Variants in FHIT observed in about 807,000 individuals in gnomAD.
FHIT encodes fragile histidine triad diadenosine triphosphatase, also known as bis(5'-adenosyl)-triphosphatase.
In FHIT, 19 loss-of-function variants were observed where a neutral mutation model predicts 17.9. That is an observed-to-expected ratio of 1.06 (90% CI 0.74 to 1.56). The LOEUF is 1.56. FHIT is among the 40% of genes most tolerant of loss of function. FHIT has a pLI of 0.00. For synonymous variants in FHIT, 81 were observed against 69.7 expected, an observed-to-expected ratio of 1.16 and a Z score of -0.81; for missense variants, 248 against 189.2, an observed-to-expected ratio of 1.31 and a Z score of -1.82.
chr3:61,240,102 A>G (rs938281844), intron 1 of FHIT, among the ~76,000 whole-genome samples: 1 of 152,054 alleles, frequency 6.6e-6, no homozygotes, highest in Non-Finnish European at 1.5e-5. Flanking sequence ...AGGAAGCCTT[A>G]GTTTAGAGGA....
chr3:59,850,831 GAAT>G (rs1362962431), intron 8 of FHIT, among the ~76,000 whole-genome samples: 4 of 152,166 alleles, frequency 2.6e-5, no homozygotes, highest in African/African-American at 9.7e-5. Flanking sequence ...GCAACAAAAA[GAAT>G]ACTACTGTGC....
chr3:60,713,572 A>G (rs1197236933), intron 4 of FHIT, among the ~76,000 whole-genome samples: 5 of 151,998 alleles, frequency 3.3e-5, no homozygotes, highest in African/African-American at 7.3e-5. Context: ...TCAAATAGAC[A>G]CAATAAAAAA....
intron 7 of FHIT, among the ~76,000 whole-genome samples, chr3:59,925,707 C>T (rs916785308): frequency 1.3e-5 from 2 of 152,182 alleles, no homozygotes; most frequent in African/African-American, 4.8e-5. Flanking sequence ...AAATAGCTCA[C>T]TGTACAGGTG....
intron 8 of FHIT, among the ~76,000 whole-genome samples, chr3:59,865,056 G>T (rs623032): frequency 0.55 from 82,902 of 151,652 alleles, 23,996 homozygotes; most frequent in African/African-American, 0.75. Context: ...CTCCACTCTA[G>T]GTCAAATAGA....
intron 3 of FHIT, among the ~76,000 whole-genome samples, chr3:61,014,163 T>C (rs1290442931): frequency 6.6e-6 from 1 of 152,086 alleles, no homozygotes; most frequent in Non-Finnish European, 1.5e-5. Flanking sequence ...GAATTTGTGT[T>C]CTCTCCTTGG....
intron 8 of FHIT, among the ~76,000 whole-genome samples, chr3:59,843,499 C>G (rs1397041573): frequency 1.3e-5 from 2 of 152,068 alleles, no homozygotes; most frequent in Admixed American, 1.3e-4. Context: ...GTCTATAGAT[C>G]GCTTTGTATA....
chr3:60,342,485 A>G (rs1036983014), intron 5 of FHIT, among the ~76,000 whole-genome samples: 1 of 152,236 alleles, frequency 6.6e-6, no homozygotes, highest in Non-Finnish European at 1.5e-5. Flanking sequence ...TTTAATGTTT[A>G]AATATACAGT....
chr3:60,234,914 C>T (rs534445336), intron 5 of FHIT, among the ~76,000 whole-genome samples: 17 of 152,188 alleles, frequency 1.1e-4, no homozygotes, highest in African/African-American at 2.9e-4. Context: ...GTATCACATT[C>T]GAGGATAACT....
intron 3 of FHIT, among the ~76,000 whole-genome samples, chr3:60,825,012 T>C (rs1702064590): frequency 6.6e-6 from 1 of 152,234 alleles, no homozygotes; most frequent in Non-Finnish European, 1.5e-5. Flanking sequence ...CTACTTTATT[T>C]CTATCAGACT....
intron 5 of FHIT, among the ~76,000 whole-genome samples, chr3:60,449,200 T>A (rs2031549780): frequency 6.6e-6 from 1 of 152,142 alleles, no homozygotes; most frequent in Non-Finnish European, 1.5e-5. Context: ...AATCTGCATT[T>A]CAGTGAACAA....
intron 5 of FHIT, among the ~76,000 whole-genome samples, chr3:60,055,894 T>A (rs1457864822): frequency 6.6e-6 from 1 of 152,166 alleles, no homozygotes; most frequent in Non-Finnish European, 1.5e-5. Context: ...AACAAGTGGC[T>A]CCTAAGGACT....
chr3:60,495,504 G>C (rs1002230034), intron 5 of FHIT, among the ~76,000 whole-genome samples: 2 of 151,860 alleles, frequency 1.3e-5, no homozygotes, highest in African/African-American at 4.8e-5. Flanking sequence ...AAAAGGCAGT[G>C]ACAAATATCC....
chr3:60,141,006 G>C (rs900665177), intron 5 of FHIT, among the ~76,000 whole-genome samples: 6 of 152,134 alleles, frequency 3.9e-5, no homozygotes, highest in African/African-American at 1.4e-4. Flanking sequence ...AACACCAAAA[G>C]AAATTCAAAG....
At chr3:60,386,467 C>T (rs1559873319) in intron 5 of FHIT, among the ~76,000 whole-genome samples, 1 of 152,186 alleles carries the variant, frequency 6.6e-6, no homozygotes, top group Non-Finnish European at 1.5e-5. Flanking sequence ...ATTGCACCAT[C>T]CACTTGTTCC....
At chr3:60,532,221 C>G (rs1002885761) in intron 5 of FHIT, among the ~76,000 whole-genome samples, 1 of 152,192 alleles carries the variant, frequency 6.6e-6, no homozygotes, top group Non-Finnish European at 1.5e-5. Flanking sequence ...TGCTGTGTCT[C>G]CCTCATGTTG....
In FHIT at chr3:60,118,783, G is replaced by A. The variant is rs112569237; in HGVS notation, c.104-104631C>T. ...GCTGAGGTGGGGGCGGCGGGGGGGGGGGGGTGGTGAATCACCTGAAGTCAG... is the reference window on the plus strand; with the variant it reads ...GCTGAGGTGGGGGCGGCGGGGGGGGAGGGGTGGTGAATCACCTGAAGTCAG... On this transcript the variant is annotated intron_variant, in intron 5 of 9. Transcript: ENST00000492590. Among the ~76,000 whole-genome samples the A allele has an allele frequency of 3.4e-4, 39 of 114,826 alleles. 1 individual carries two copies. Among genetic ancestry groups the A allele is most frequent in the African/African-American group, 5.9e-4 (19 of 31,992 alleles). 75.3% of individuals were successfully genotyped at this position (114,826 alleles called of 152,430 possible).
At chr3:60,643,377 T>C (rs1461485518) in intron 4 of FHIT, among the ~76,000 whole-genome samples, 1 of 152,168 alleles carries the variant, frequency 6.6e-6, no homozygotes, top group Non-Finnish European at 1.5e-5. Context: ...ACCATCATCA[T>C]TCTTCACAGA....
At chr3:59,973,708 C>T (rs1022466458) in intron 7 of FHIT, among the ~76,000 whole-genome samples, 1 of 152,056 alleles carries the variant, frequency 6.6e-6, no homozygotes, top group African/African-American at 2.4e-5. Context: ...CCCATAAGTT[C>T]TGAGAATATT....
chr3:59,922,360 T>C lies in FHIT; in HGVS notation c.334A>G (p.Ser112Gly). 1 of 1,613,818 alleles carries C rather than the reference T, an allele frequency of 6.2e-7. No individual in the cohort carries two copies. The change falls in exon 8 of 10, where the codon AGC becomes GGC. Residue 112 changes from serine to glycine, a missense_variant. Transcript: ENST00000492590. ...AACAGACCCACCTCCTCATAGATGC[T>C]GTCATTCCTGTGAAAGTCTCCAGCC... ...RKAGDFHRND[S>G]IYEELQKHDK...
Sources: allele counts gnomAD v4.1 joint callset (sites outside exome capture counted in the v4.1 genomes callset), GRCh38; gene constraint gnomAD v4.1.1; transcripts MANE v1.5; gene names NCBI Gene and HGNC (gene_info 2026-07-23, HGNC 2026-07-21).